CSMD1: variants seen among roughly 807,000 people sequenced by gnomAD.
CSMD1 encodes CUB and sushi domain-containing protein 1.
Under a neutral mutation model 417.5 loss-of-function variants are expected in CSMD1, and 213 were observed. That is an observed-to-expected ratio of 0.51 (90% CI 0.46 to 0.57). The LOEUF is 0.57. CSMD1 is among the 20% of genes least tolerant of loss of function. The probability of loss-of-function intolerance (pLI) is 0.00; values close to 1 mark genes in which losing one functional copy is unlikely to be tolerated. For synonymous variants in CSMD1, 2,862 were observed against 1,736.8 expected, an observed-to-expected ratio of 1.65 and a Z score of -16.11; for missense variants, 6,923 against 4,529.7, an observed-to-expected ratio of 1.53 and a Z score of -15.17.
At chr8:3,352,218 T>A (rs1350470356) in intron 21 of CSMD1, among the ~76,000 whole-genome samples, 2 of 152,106 alleles carry the variant, frequency 1.3e-5, no homozygotes, top group African/African-American at 4.8e-5. Flanking sequence ...GTTTTTATGA[T>A]TTTATCAACA....
chr8:4,212,751 C>CTTTTTTTTTTTTTTTTTTTTTTTTTT (rs5889027), intron 3 of CSMD1, among the ~76,000 whole-genome samples: 8 of 99,230 alleles, frequency 8.1e-5, no homozygotes, highest in African/African-American at 3.0e-4. Context: ...CGGCCTTATT[C>CTTTTTTTTTTTTTTTTTTTTTTTTTT]TTTTTTTTTT....
At chr8:4,337,812 G>A (rs1414678920) in intron 3 of CSMD1, among the ~76,000 whole-genome samples, 1 of 152,100 alleles carries the variant, frequency 6.6e-6, no homozygotes, top group Non-Finnish European at 1.5e-5. Context: ...TTAATCAGTA[G>A]AATAAATCAG....
At chr8:4,801,068 T>A (rs9644373) in intron 1 of CSMD1, among the ~76,000 whole-genome samples, 7,353 of 152,276 alleles carry the variant, frequency 0.048, 312 homozygotes, top group East Asian at 0.23. Flanking sequence ...GAAAAAAACC[T>A]ACAGATCTGA....
intron 3 of CSMD1, among the ~76,000 whole-genome samples, chr8:4,374,553 G>A (rs562783436): frequency 6.6e-6 from 1 of 152,160 alleles, no homozygotes; most frequent in African/African-American, 2.4e-5. Context: ...CCACTCAAGC[G>A]ACTCACACTG....
intron 3 of CSMD1, among the ~76,000 whole-genome samples, chr8:4,294,418 G>A (rs887064587): frequency 1.3e-5 from 2 of 152,138 alleles, no homozygotes; most frequent in African/African-American, 2.4e-5. Context: ...AATAGCTAAT[G>A]TTTATCAGAC....
At chr8:3,440,812 C>G (rs777925985) in intron 12 of CSMD1, among the ~76,000 whole-genome samples, 1 of 152,090 alleles carries the variant, frequency 6.6e-6, no homozygotes, top group Non-Finnish European at 1.5e-5. Flanking sequence ...TGCTCTTTAT[C>G]ACAAACTGAG....
chr8:3,389,865 T>C (rs1811241728), intron 17 of CSMD1, among the ~76,000 whole-genome samples: 1 of 152,204 alleles, frequency 6.6e-6, no homozygotes, highest in Non-Finnish European at 1.5e-5. Flanking sequence ...CATTCATTTT[T>C]AAATAATAAT....
intron 3 of CSMD1, among the ~76,000 whole-genome samples, chr8:4,059,028 C>G (rs1030633398): frequency 6.6e-6 from 1 of 152,014 alleles, no homozygotes; most frequent in Non-Finnish European, 1.5e-5. Flanking sequence ...CCAAAATTGA[C>G]CATACAGTTG....
chr8:3,667,980 A>G (rs568114232), intron 7 of CSMD1, among the ~76,000 whole-genome samples: 6 of 152,200 alleles, frequency 3.9e-5, no homozygotes, highest in Non-Finnish European at 7.4e-5. Context: ...CAGAGCCCCA[A>G]TCCCGATCAA....
At chr8:3,008,104 T>C (rs1016802958) in intron 52 of CSMD1, among the ~76,000 whole-genome samples, 3 of 152,178 alleles carry the variant, frequency 2.0e-5, no homozygotes, top group Non-Finnish European at 4.4e-5. Context: ...CAGAGACTGG[T>C]AGCAAGATGG....
intron 23 of CSMD1, among the ~76,000 whole-genome samples, chr8:3,314,416 C>A (rs572041420): frequency 3.9e-5 from 6 of 152,114 alleles, no homozygotes; most frequent in African/African-American, 7.2e-5. Flanking sequence ...CAGAAGGTAT[C>A]CTTTTCTATC....
intron 1 of CSMD1, among the ~76,000 whole-genome samples, chr8:4,713,177 C>T (rs751461692): frequency 3.3e-5 from 5 of 152,170 alleles, no homozygotes; most frequent in Non-Finnish European, 5.9e-5. Context: ...TGGGGAAACA[C>T]ATTAAATCAT....
At chr8:4,140,736 C>T (rs1803736084) in intron 3 of CSMD1, among the ~76,000 whole-genome samples, 1 of 150,812 alleles carries the variant, frequency 6.6e-6, no homozygotes. Context: ...AAGTCTTCCC[C>T]ACTCTAAGTA....
At chr8:3,487,708 G>A (rs893490360) in intron 11 of CSMD1, among the ~76,000 whole-genome samples, 5 of 152,216 alleles carry the variant, frequency 3.3e-5, no homozygotes, top group East Asian at 3.9e-4. Flanking sequence ...TCAAGAAGGC[G>A]GGTCCCTTTT....
chr8:3,440,462 G>A (rs987897162), intron 12 of CSMD1, among the ~76,000 whole-genome samples: 3 of 152,122 alleles, frequency 2.0e-5, no homozygotes, highest in Non-Finnish European at 2.9e-5. Flanking sequence ...TTATTATATA[G>A]AAATACAGTA....
chr8:3,848,956 C>G (rs1803694453), intron 5 of CSMD1, among the ~76,000 whole-genome samples: 2 of 150,714 alleles, frequency 1.3e-5, no homozygotes, highest in South Asian at 2.1e-4. Context: ...TATGTATATA[C>G]TATTGCAAAA....
At chr8:4,554,930 G>C (rs368831359) in intron 2 of CSMD1, among the ~76,000 whole-genome samples, 2 of 152,256 alleles carry the variant, frequency 1.3e-5, no homozygotes, top group South Asian at 4.1e-4. Context: ...TCTAGGCAAC[G>C]AATTCCTGTG....
intron 5 of CSMD1, among the ~76,000 whole-genome samples, chr8:3,792,313 T>G (rs71521889): frequency 6.6e-6 from 1 of 151,926 alleles, no homozygotes; most frequent in Non-Finnish European, 1.5e-5. Context: ...AGAAAAAAAC[T>G]TCCTGGGAGA....
At chr8:3,927,267 A>C (rs147567630) in intron 5 of CSMD1, among the ~76,000 whole-genome samples, 1 of 152,044 alleles carries the variant, frequency 6.6e-6, no homozygotes, top group African/African-American at 2.4e-5. Flanking sequence ...TATATAGCAG[A>C]CATAAGCTAA....
Sources: gnomAD v4.1 joint callset for allele counts (sites outside exome capture counted in the v4.1 genomes callset) on GRCh38, gnomAD v4.1.1 for gene constraint, MANE v1.5 for transcripts, NCBI Gene and HGNC (gene_info 2026-07-23, HGNC 2026-07-21) for gene names.